Variants in ARSB observed in about 807,000 individuals in gnomAD.
ARSB encodes the protein arylsulfatase B.
In ARSB, 41 loss-of-function variants were observed where a neutral mutation model predicts 50.9. The observed-to-expected ratio is 0.81, with a 90% confidence interval of 0.63 to 1.04. ARSB has a LOEUF of 1.04. Among genes scored for constraint, ARSB ranks in the 50% least tolerant of loss-of-function variants. The pLI is 0.00. For synonymous variants in ARSB, 269 were observed against 284.8 expected, an observed-to-expected ratio of 0.94 and a Z score of 0.56; for missense variants, 672 against 693.3, an observed-to-expected ratio of 0.97 and a Z score of 0.35.
At chr5:78,884,151 AGCT>A (rs1747893397) in intron 5 of ARSB, 1 of 152,232 alleles carries the variant, frequency 6.6e-6, no homozygotes, top group Non-Finnish European at 1.5e-5. Flanking sequence ...AGAAGGCAGC[AGCT>A]ATTTGATTCT....
At chr5:78,981,563 C>T (rs1309882838) in intron 1 of ARSB, among the ~76,000 whole-genome samples, 4 of 152,174 alleles carry the variant, frequency 2.6e-5, no homozygotes, top group East Asian at 1.9e-4. Flanking sequence ...GTTAGAAACT[C>T]GCCCTAATGG....
intron 5 of ARSB, among the ~76,000 whole-genome samples, chr5:78,851,963 T>C (rs1395777329): frequency 1.3e-5 from 2 of 152,200 alleles, no homozygotes; most frequent in African/African-American, 4.8e-5. Context: ...TCTCTGCACA[T>C]GAGATGGGTT....
chr5:78,881,894 C>A (rs1289143681), intron 5 of ARSB, among the ~76,000 whole-genome samples: 3 of 152,184 alleles, frequency 2.0e-5, no homozygotes, highest in Non-Finnish European at 4.4e-5. Flanking sequence ...ACATGGGAGC[C>A]TTTAGAATGA....
chr5:78,803,821 C>A (rs1473930511), intron 6 of ARSB, among the ~76,000 whole-genome samples: 2 of 152,254 alleles, frequency 1.3e-5, no homozygotes, highest in Non-Finnish European at 2.9e-5. Context: ...CTACCCTGCA[C>A]CTGTGCTGGG....
intron 5 of ARSB, among the ~76,000 whole-genome samples, chr5:78,866,179 AAG>A (rs1054089902): frequency 3.9e-5 from 6 of 152,206 alleles, no homozygotes; most frequent in African/African-American, 1.4e-4. Context: ...TTACCAAAGA[AAG>A]AGGTTTATTT....
At position 78,985,067 on chromosome 5, in the gene ARSB, C is replaced by T; in HGVS notation, c.182G>A (p.Gly61Asp). Reference protein sequence around the residue: ...LADDLGWNDVGFHGSRIRTPH... With the variant: ...LADDLGWNDVDFHGSRIRTPH... The stretch of plus-strand genomic sequence containing the variant: ...CGTGCGGATGCGGGAGCCGTGGAAG[C>T]CGACGTCGTTCCAGCCTAGGTCGTC... The change falls in exon 1 of 8, where the codon GGC (glycine) becomes GAC (aspartate). Residue 61 changes from glycine (G) to aspartate (D), a missense_variant. Gly to Asp is a moderately conservative substitution (Grantham distance 94, BLOSUM62 -1). Transcript: ENST00000264914. 6.5e-7 allele frequency: 1 copy of T among 1,543,842 alleles called. No individual in the cohort carries two copies. The highest frequency in any genetic ancestry group is 8.7e-7 in the Non-Finnish European group (1 of 1,147,168).
At chr5:78,968,463 C>T (rs1029312973) in intron 2 of ARSB, among the ~76,000 whole-genome samples, 1 of 151,872 alleles carries the variant, frequency 6.6e-6, no homozygotes, top group African/African-American at 2.4e-5. Context: ...ATTCTCCTGC[C>T]TCAGCCTCCT....
chr5:78,907,740 T>C (rs1267914400), intron 4 of ARSB, among the ~76,000 whole-genome samples: 2 of 152,194 alleles, frequency 1.3e-5, no homozygotes, highest in African/African-American at 4.8e-5. Context: ...AGATGGCAAG[T>C]GTAAGCAAAT....
Position 78,969,208 on chromosome 5 carries a change from A to G in ARSB, c.313-16T>C, listed in dbSNP as rs1324586339. On this transcript the variant is annotated splice_polypyrimidine_tract_variant and intron_variant, in intron 1 of 7. Transcript: ENST00000264914. ...CTGTACGGATCTTACAGAGATAAACATAAAATTATAGATTAATGACATTGA... is the reference window on the plus strand; with the variant it reads ...CTGTACGGATCTTACAGAGATAAACGTAAAATTATAGATTAATGACATTGA... The G allele has an allele frequency of 9.9e-6, 16 of 1,613,422 alleles. No individual in the cohort carries two copies. Among genetic ancestry groups the G allele is most frequent in the Non-Finnish European group, 1.4e-5 (16 of 1,179,516 alleles).
intron 4 of ARSB, among the ~76,000 whole-genome samples, chr5:78,928,229 G>A (rs1561507066): frequency 6.6e-6 from 1 of 151,366 alleles, no homozygotes; most frequent in Non-Finnish European, 1.5e-5. Context: ...CCCACAGGGA[G>A]CTAAGGGAAA....
chr5:78,935,507 C>T (rs1214979048), intron 4 of ARSB, among the ~76,000 whole-genome samples: 1 of 151,998 alleles, frequency 6.6e-6, no homozygotes, highest in Non-Finnish European at 1.5e-5. Context: ...GCAGGTGTGC[C>T]GCTGATGAGT....
chr5:78,794,206 G>A (rs960515856), intron 6 of ARSB, among the ~76,000 whole-genome samples: 1 of 152,058 alleles, frequency 6.6e-6, no homozygotes, highest in Non-Finnish European at 1.5e-5. Flanking sequence ...AAATTTGCTT[G>A]CTATTGATTT....
At chr5:78,874,631 G>GA (rs1388301657) in intron 5 of ARSB, among the ~76,000 whole-genome samples, 1 of 151,780 alleles carries the variant, frequency 6.6e-6, no homozygotes, top group Admixed American at 6.6e-5. Context: ...ACAAAACAAT[G>GA]AAAAAACTAA....
intron 4 of ARSB, among the ~76,000 whole-genome samples, chr5:78,907,883 G>A (rs189279760): frequency 6.6e-6 from 1 of 152,242 alleles, no homozygotes; most frequent in Non-Finnish European, 1.5e-5. Context: ...AGCATATAGG[G>A]AGACTGGCAA....
chr5:78,909,301 T>C (rs944401109), intron 4 of ARSB, among the ~76,000 whole-genome samples: 1 of 152,228 alleles, frequency 6.6e-6, no homozygotes, highest in Non-Finnish European at 1.5e-5. Flanking sequence ...TTTGGGTTTA[T>C]TATAAAGTAA....
chr5:78,928,560 C>T (rs528586308), intron 4 of ARSB, among the ~76,000 whole-genome samples: 8 of 152,138 alleles, frequency 5.3e-5, no homozygotes, highest in Non-Finnish European at 1.2e-4. Context: ...AGGTGATCCG[C>T]CCACCTCGGC....
intron 4 of ARSB, among the ~76,000 whole-genome samples, chr5:78,940,109 G>A (rs1373154788): frequency 2.6e-5 from 4 of 152,096 alleles, no homozygotes; most frequent in Non-Finnish European, 4.4e-5. Context: ...CATATCCTTC[G>A]CCCACTTTTT....
At chr5:78,844,662 C>T (rs1745365744) in intron 5 of ARSB, among the ~76,000 whole-genome samples, 1 of 152,016 alleles carries the variant, frequency 6.6e-6, no homozygotes, top group Non-Finnish European at 1.5e-5. Flanking sequence ...AGTTTTAATT[C>T]TTACATTTAG....
At chr5:78,920,705 T>C (rs1749769686) in intron 4 of ARSB, among the ~76,000 whole-genome samples, 1 of 152,160 alleles carries the variant, frequency 6.6e-6, no homozygotes, top group South Asian at 2.1e-4. Context: ...TCTGGTGATC[T>C]GACTCCTAAA....
Sources: gnomAD v4.1 joint callset for allele counts (sites outside exome capture counted in the v4.1 genomes callset) on GRCh38, gnomAD v4.1.1 for gene constraint, MANE v1.5 for transcripts, NCBI Gene and HGNC (gene_info 2026-07-23, HGNC 2026-07-21) for gene names.